Variants in KCNQ5 observed in about 807,000 individuals in gnomAD.
KCNQ5 encodes the protein potassium voltage-gated channel subfamily Q member 5.
In KCNQ5, 30 loss-of-function variants were observed where a neutral mutation model predicts 98.2. The ratio of observed to expected loss-of-function variants is 0.31; its 90% CI spans 0.23 to 0.41. The LOEUF is 0.41. Ranked by LOEUF, KCNQ5 falls within the 10% of genes least tolerant of loss-of-function variation. The pLI is 1.00. For missense variants in KCNQ5, 835 were observed against 1,182.5 expected (o/e 0.71, Z 4.31); for synonymous variants, 458 against 449.4 (o/e 1.02, Z -0.24).
intron 1 of KCNQ5, among the ~76,000 whole-genome samples, chr6:72,963,791 T>C (rs1281183182): frequency 6.6e-6 from 1 of 152,098 alleles, no homozygotes; most frequent in Non-Finnish European, 1.5e-5. Flanking sequence ...GCCTCCTGAG[T>C]AGCTGGGACC....
intron 1 of KCNQ5, among the ~76,000 whole-genome samples, chr6:72,789,577 G>A (rs1773926720): frequency 6.6e-6 from 1 of 152,154 alleles, no homozygotes; most frequent in Admixed American, 6.5e-5. Context: ...GTTATAGAAA[G>A]AGTATCAGTG....
rs980144585 is a variant in KCNQ5, at chr6:73,101,971, G to C, written c.919-3286G>C. On this transcript the variant is annotated intron_variant, in intron 5 of 13. Coordinates refer to ENST00000370398, the MANE Select transcript of KCNQ5 (RefSeq NM_019842.4). ...ATCCTAAGCAAAAAGAGAAAAACTG[G>C]AGAAATCACATTACCTGACTTCAAA... is the stretch of plus-strand genomic sequence containing the variant. Among the ~76,000 whole-genome samples the C allele has an allele frequency of 2.0e-5, 3 of 151,990 alleles. No homozygotes were observed. The South Asian group carries it at 6.2e-4, about 32-fold the overall frequency.
chr6:72,689,827 A>G (rs1480563534), intron 1 of KCNQ5, among the ~76,000 whole-genome samples: 1 of 152,078 alleles, frequency 6.6e-6, no homozygotes, highest in Non-Finnish European at 1.5e-5. Flanking sequence ...AGTGAAAAAC[A>G]AAACAAAAAC....
intron 1 of KCNQ5, among the ~76,000 whole-genome samples, chr6:72,921,920 G>T (rs1043009634): frequency 8.5e-5 from 13 of 152,148 alleles, no homozygotes; most frequent in Non-Finnish European, 1.5e-5. Context: ...AGGATGTAAA[G>T]AAAAATTTAA....
intron 2 of KCNQ5, 37 bp from the exon 3 acceptor site, chr6:73,041,899 A>G: frequency 6.2e-7 from 1 of 1,613,042 alleles, no homozygotes; most frequent in Non-Finnish European, 8.5e-7. Flanking sequence ...TTTGCTCCAT[A>G]ATGCTTCTCT....
At chr6:72,959,858 G>T (rs1232187738) in intron 1 of KCNQ5, among the ~76,000 whole-genome samples, 1 of 152,190 alleles carries the variant, frequency 6.6e-6, no homozygotes, top group East Asian at 1.9e-4. Flanking sequence ...AAGCACAGAA[G>T]TGTGAAAAGT....
intron 1 of KCNQ5, among the ~76,000 whole-genome samples, chr6:72,856,057 C>T (rs898460230): frequency 6.6e-6 from 1 of 152,114 alleles, no homozygotes; most frequent in Non-Finnish European, 1.5e-5. Context: ...TTTAAAATAT[C>T]TTTATTAGGC....
intron 1 of KCNQ5, among the ~76,000 whole-genome samples, chr6:72,983,067 T>A (rs1048076215): frequency 4.6e-5 from 7 of 152,242 alleles, no homozygotes; most frequent in African/African-American, 7.2e-5. Flanking sequence ...CTTCCCTTTG[T>A]GGGTAACCCG....
At chr6:73,037,395 T>G (rs1199236648) in intron 2 of KCNQ5, among the ~76,000 whole-genome samples, 1 of 152,216 alleles carries the variant, frequency 6.6e-6, no homozygotes, top group African/African-American at 2.4e-5. Flanking sequence ...CATTTTTTCC[T>G]TTTATAACTT....
At chr6:73,046,676 C>G (rs1226019536) in intron 3 of KCNQ5, among the ~76,000 whole-genome samples, 1 of 113,148 alleles carries the variant, frequency 8.8e-6, no homozygotes, top group African/African-American at 3.9e-5. Context: ...GAGTTTCCCT[C>G]TATCACCCAG....
intron 1 of KCNQ5, among the ~76,000 whole-genome samples, chr6:72,697,892 A>T (rs529192162): frequency 4.6e-5 from 7 of 152,284 alleles, no homozygotes; most frequent in Admixed American, 2.6e-4. Context: ...ATTTTTACTA[A>T]GGAAGTTCTT....
At chr6:73,025,387 T>G (rs1770827013) in intron 2 of KCNQ5, among the ~76,000 whole-genome samples, 1 of 152,112 alleles carries the variant, frequency 6.6e-6, no homozygotes, top group Non-Finnish European at 1.5e-5. Context: ...TTTGGGAGGC[T>G]GAGGTGGGCG....
At chr6:73,078,007 T>C in intron 5 of KCNQ5, 120 bp downstream of exon 5, 3 of 823,668 alleles carry the variant, frequency 3.6e-6, no homozygotes, top group Middle Eastern at 3.5e-4. Context: ...GAGAGTTATA[T>C]GGAAAATAAA....
At chr6:73,057,888 G>A (rs1562152519) in intron 3 of KCNQ5, among the ~76,000 whole-genome samples, 1 of 152,144 alleles carries the variant, frequency 6.6e-6, no homozygotes, top group African/African-American at 2.4e-5. Flanking sequence ...GCATGGTACT[G>A]GTACAAAACA....
chr6:73,020,750 A>C (rs1375762011), intron 2 of KCNQ5, among the ~76,000 whole-genome samples: 1 of 152,132 alleles, frequency 6.6e-6, no homozygotes, highest in Non-Finnish European at 1.5e-5. Flanking sequence ...TATCACTTTG[A>C]AGATTCTAAG....
At chr6:72,999,949 C>G (rs1419246613) in intron 1 of KCNQ5, among the ~76,000 whole-genome samples, 1 of 152,072 alleles carries the variant, frequency 6.6e-6, no homozygotes, top group East Asian at 1.9e-4. Flanking sequence ...CCATGGTTAG[C>G]GAAAGATAAA....
rs1052347763 is a variant in KCNQ5, at chr6:73,194,992, G to T, written c.2377G>T (p.Val793Phe). ...CLVASKENVQ[V>F]AQSNLTKDRS... is the part of the protein sequence containing the mutation. ...TGTTGCCTCCAAGGAAAATGTTCAG[G>T]TTGCACAGTCAAATCTCACCAAGGA... The change falls in exon 14 of 14, where the codon GTT becomes TTT. Residue 793 changes from valine (V) to phenylalanine (F), a missense_variant. By Grantham distance (50) the Val-to-Phe change is conservative. Transcript: ENST00000370398. 1.2e-6 allele frequency: 2 copies of T among 1,614,064 alleles called. No individual in the cohort carries two copies. Among genetic ancestry groups the T allele is most frequent in the African/African-American group, 1.3e-5 (1 of 74,928 alleles).
At chr6:73,034,829 T>G (rs1771315963) in intron 2 of KCNQ5, among the ~76,000 whole-genome samples, 1 of 142,802 alleles carries the variant, frequency 7.0e-6, no homozygotes, top group Non-Finnish European at 1.5e-5. Flanking sequence ...GCTCTACCAC[T>G]GCCTCTTTTC....
At chr6:72,933,740 A>G (rs55892007) in intron 1 of KCNQ5, among the ~76,000 whole-genome samples, 4,416 of 152,260 alleles carry the variant, frequency 0.029, 181 homozygotes, top group African/African-American at 0.085. Flanking sequence ...CTTTAATTTG[A>G]TTACACTGAG....
Sources: allele counts gnomAD v4.1 joint callset (sites outside exome capture counted in the v4.1 genomes callset), GRCh38; gene constraint gnomAD v4.1.1; transcripts MANE v1.5; gene names NCBI Gene and HGNC (gene_info 2026-07-23, HGNC 2026-07-21).